Variants in ADAMTSL1 observed in about 807,000 individuals in gnomAD.
ADAMTSL1 encodes ADAMTS like 1, also known as ADAMTS-like protein 1.
In ADAMTSL1, 126 loss-of-function variants were observed where a neutral mutation model predicts 201.8. The observed-to-expected ratio is 0.62, with a 90% CI of 0.54 to 0.72. The LOEUF is 0.72. Among genes scored for constraint, ADAMTSL1 ranks in the 30% least tolerant of loss-of-function variants. The pLI is 0.00. For missense variants in ADAMTSL1, 2,679 were observed against 2,277.8 expected, an observed-to-expected ratio of 1.18 and a Z score of -3.59; for synonymous variants, 1,121 against 903.4, an observed-to-expected ratio of 1.24 and a Z score of -4.32.
chr9:18,144,137 G>A (rs1826520814), intron 1 of ADAMTSL1, among the ~76,000 whole-genome samples: 1 of 152,128 alleles, frequency 6.6e-6, no homozygotes, highest in East Asian at 1.9e-4. Context: ...TGAAAGTGAT[G>A]TTTCTATTAA....
At chr9:18,233,570 T>C (rs1055778449) in intron 2 of ADAMTSL1, among the ~76,000 whole-genome samples, 4 of 152,112 alleles carry the variant, frequency 2.6e-5, no homozygotes, top group African/African-American at 7.2e-5. Context: ...GGAAGACTCA[T>C]TCCCTCCCAC....
intron 1 of ADAMTSL1, among the ~76,000 whole-genome samples, chr9:18,501,904 T>A (rs1032801074): frequency 6.6e-6 from 1 of 152,236 alleles, no homozygotes; most frequent in Non-Finnish European, 1.5e-5. Context: ...TAATATGTGA[T>A]GAGATAAGAT....
At chr9:18,056,544 G>A (rs1161030087) in intron 1 of ADAMTSL1, among the ~76,000 whole-genome samples, 1 of 152,144 alleles carries the variant, frequency 6.6e-6, no homozygotes, top group Non-Finnish European at 1.5e-5. Context: ...AACACATAGG[G>A]AGACGGTTAT....
At chr9:18,661,586 A>T (rs1364751485) in intron 8 of ADAMTSL1, among the ~76,000 whole-genome samples, 1 of 152,156 alleles carries the variant, frequency 6.6e-6, no homozygotes, top group Non-Finnish European at 1.5e-5. Context: ...ATGGTTGGTA[A>T]ATCCTGATGA....
At chr9:18,658,482 G>GA (rs1013586285) in intron 8 of ADAMTSL1, among the ~76,000 whole-genome samples, 12 of 151,978 alleles carry the variant, frequency 7.9e-5, no homozygotes, top group Admixed American at 4.6e-4. Flanking sequence ...TTGCTACCAG[G>GA]AAAAAAAATC....
At chr9:18,493,491 C>T (rs1220035924) in intron 1 of ADAMTSL1, among the ~76,000 whole-genome samples, 1 of 152,182 alleles carries the variant, frequency 6.6e-6, no homozygotes, top group Non-Finnish European at 1.5e-5. Context: ...CCAAGTGCTG[C>T]AGAGGGATGA....
At chr9:18,478,324 T>C (rs149011028) in intron 1 of ADAMTSL1, among the ~76,000 whole-genome samples, 89 of 152,254 alleles carry the variant, frequency 5.8e-4, no homozygotes, top group African/African-American at 2.0e-3. Flanking sequence ...GTTTTGGTTC[T>C]CCCCTTTATT....
At chr9:18,805,477 T>C (rs188892194) in intron 20 of ADAMTSL1, among the ~76,000 whole-genome samples, 6 of 152,362 alleles carry the variant, frequency 3.9e-5, no homozygotes, top group Admixed American at 2.6e-4. Flanking sequence ...GTGCTGGTGA[T>C]AGCTAGCATT....
At chr9:18,440,613 A>G (rs1819953908) in intron 2 of ADAMTSL1, among the ~76,000 whole-genome samples, 1 of 150,646 alleles carries the variant, frequency 6.6e-6, no homozygotes, top group Non-Finnish European at 1.5e-5. Flanking sequence ...ATATATATAT[A>G]TTATATATAT....
Position 17,911,452 on chromosome 9 carries a change from C to T in ADAMTSL1, c.87+4530C>T, listed in dbSNP as rs1185493114. Among the ~76,000 whole-genome samples the T allele has an allele frequency of 7.3e-5, 5 of 68,564 alleles. 2 individuals carry two copies. The highest frequency in any genetic ancestry group is 1.5e-4 in the African/African-American group (5 of 33,964). 45.0% of individuals were successfully genotyped at this position (68,564 alleles called of 152,430 possible). On this transcript the variant is annotated intron_variant, in intron 1 of 29. Coordinates refer to the ADAMTSL1 transcript ENST00000680146. Reference sequence around the variant, plus strand: ...TCAAGAGGATGTGTTACTAGATCAGCGCAAATCCATTACTGTTGCTTAAAA... The same window carrying T: ...TCAAGAGGATGTGTTACTAGATCAGTGCAAATCCATTACTGTTGCTTAAAA...
chr9:18,076,230 A>G (rs1823218963), intron 1 of ADAMTSL1, among the ~76,000 whole-genome samples: 1 of 152,198 alleles, frequency 6.6e-6, no homozygotes, highest in Non-Finnish European at 1.5e-5. Context: ...AACATGGGAA[A>G]TATTGGAAAT....
chr9:18,305,551 G>C (rs1833876414), intron 2 of ADAMTSL1, among the ~76,000 whole-genome samples: 1 of 152,180 alleles, frequency 6.6e-6, no homozygotes, highest in Non-Finnish European at 1.5e-5. Flanking sequence ...TGAGGCTTGA[G>C]TAGGCGGTTT....
chr9:17,912,880 A>T, intron 1 of ADAMTSL1, among the ~76,000 whole-genome samples: 1 of 151,602 alleles, frequency 6.6e-6, no homozygotes, highest in Non-Finnish European at 1.5e-5. Flanking sequence ...TAAGGAAGGG[A>T]TCCAGTTTCA....
chr9:18,794,195 G>T (rs1181400021), intron 19 of ADAMTSL1, among the ~76,000 whole-genome samples: 1 of 152,066 alleles, frequency 6.6e-6, no homozygotes, highest in Non-Finnish European at 1.5e-5. Context: ...GATCACATGA[G>T]CCCAGGAGTT....
chr9:18,704,177 AG>A (rs1832096587), intron 13 of ADAMTSL1, among the ~76,000 whole-genome samples: 1 of 152,286 alleles, frequency 6.6e-6, no homozygotes, highest in Non-Finnish European at 1.5e-5. Flanking sequence ...TTAAAACTAA[AG>A]TTTTATTGGA....
intron 1 of ADAMTSL1, among the ~76,000 whole-genome samples, chr9:18,111,500 A>G (rs1399729491): frequency 6.6e-6 from 1 of 152,144 alleles, no homozygotes; most frequent in East Asian, 1.9e-4. Context: ...TATTTTATGT[A>G]TCTGTGAAAT....
chr9:18,076,411 A>T (rs771217907), intron 1 of ADAMTSL1, among the ~76,000 whole-genome samples: 2 of 152,210 alleles, frequency 1.3e-5, no homozygotes, highest in Non-Finnish European at 2.9e-5. Context: ...AAACTTGTGG[A>T]AAAAGATCAG....
chr9:17,952,311 G>C (rs1313918851), intron 1 of ADAMTSL1, among the ~76,000 whole-genome samples: 1 of 151,732 alleles, frequency 6.6e-6, no homozygotes, highest in East Asian at 1.9e-4. Flanking sequence ...TTCCTACCCT[G>C]AAATAATATT....
intron 1 of ADAMTSL1, among the ~76,000 whole-genome samples, chr9:18,131,573 T>C (rs1825955629): frequency 6.6e-6 from 1 of 152,208 alleles, no homozygotes; most frequent in Admixed American, 6.5e-5. Context: ...ATTACTCTCT[T>C]CTTGACATTT....
Sources: gnomAD v4.1 joint callset for allele counts (sites outside exome capture counted in the v4.1 genomes callset) on GRCh38, gnomAD v4.1.1 for gene constraint, MANE v1.5 for transcripts, NCBI Gene and HGNC (gene_info 2026-07-23, HGNC 2026-07-21) for gene names.